The following SLCO2B1 variants were observed in gnomAD, a reference collection of about 807,000 sequenced individuals.
The protein encoded by SLCO2B1 is solute carrier organic anion transporter family member 2B1, also known as OATP-RP2.
SLCO2B1 carries 41 observed loss-of-function variants against 67.3 expected under a neutral mutation model. That is an observed-to-expected ratio of 0.61 (90% CI 0.47 to 0.79). The LOEUF (loss-of-function observed/expected upper bound fraction) is 0.79. Ranked by LOEUF, SLCO2B1 falls within the 30% of genes least tolerant of loss-of-function variation. The probability of loss-of-function intolerance (pLI) is 0.00; values close to 1 mark genes in which losing one functional copy is unlikely to be tolerated. For synonymous variants in SLCO2B1, 379 were observed against 381.4 expected, an observed-to-expected ratio of 0.99 and a Z score of 0.07; for missense variants, 837 against 920.1, an observed-to-expected ratio of 0.91 and a Z score of 1.17.
rs776833873 is a variant in SLCO2B1 at position 75,169,732 on chromosome 11, G to A, written c.749G>A (p.Arg250His). ...TTTGGGCTGGGCAGCCTCATGCTGCGCCTTTATGTGGACATTAACCAGATG... is the reference window on the plus strand; with the variant it reads ...TTTGGGCTGGGCAGCCTCATGCTGCACCTTTATGTGGACATTAACCAGATG... ...LAFGLGSLMLRLYVDINQMPE... is the reference protein window; with the variant it reads ...LAFGLGSLMLHLYVDINQMPE... The change falls in exon 6 of 14, where the codon CGC becomes CAC. Residue 250 changes from arginine (R) to histidine (H), a missense_variant. Transcript: ENST00000289575. 111 of 1,614,106 alleles carry A rather than the reference G, an allele frequency of 6.9e-5. No individual in the cohort carries two copies. Among genetic ancestry groups the A allele is most frequent in the South Asian group, 2.1e-4 (19 of 91,088 alleles).
Position 75,193,242 on chromosome 11 carries a change from C to T in SLCO2B1, c.1100C>T (p.Thr367Ile), listed in dbSNP as rs756056146. ...GTCTTCCCCAGGGTGCTGCTGCAGA[C>T]CCTACGCCACCCCATCTTCCTGCTG... is the stretch of plus-strand genomic sequence containing the variant. ...IKVFPRVLLQTLRHPIFLLVV... is the reference protein window; with the variant it reads ...IKVFPRVLLQILRHPIFLLVV... Residue 367 changes from threonine (T) to isoleucine (I), a missense_variant, in exon 9 of 14, where the codon ACC (threonine) becomes ATC (isoleucine). By Grantham distance (89) the Thr-to-Ile change is moderately conservative. Transcript: ENST00000289575. This position sits in a 1 kb window ranked among gnomAD's most constrained non-coding sequence, Gnocchi z 4.2. 9 of 1,612,700 alleles carry T rather than the reference C, an allele frequency of 5.6e-6. No homozygotes were observed. In the South Asian group the frequency reaches 9.9e-5, roughly 18 times the overall value.
chr11:75,189,418 G>T (rs1056726237), intron 8 of SLCO2B1, among the ~76,000 whole-genome samples: 4 of 152,268 alleles, frequency 2.6e-5, no homozygotes, highest in African/African-American at 9.6e-5. Context: ...AGAATCAAAT[G>T]AGACGAAACA....
chr11:75,190,372 C>T (rs1164412181), intron 8 of SLCO2B1, among the ~76,000 whole-genome samples: 1 of 152,224 alleles, frequency 6.6e-6, no homozygotes, highest in Non-Finnish European at 1.5e-5. Context: ...GCCTTGACCA[C>T]CTGGTGTCAC....
chr11:75,184,384 C>A (rs773633502), intron 7 of SLCO2B1, among the ~76,000 whole-genome samples: 1 of 152,176 alleles, frequency 6.6e-6, no homozygotes, highest in Admixed American at 6.5e-5. Flanking sequence ...AATAGACATT[C>A]TTTATTTTAC....
intron 2 of SLCO2B1, 133 bp downstream of exon 2, chr11:75,162,918 T>C: frequency 9.0e-7 from 1 of 1,114,916 alleles, no homozygotes. Flanking sequence ...GCTGTGAGGA[T>C]CAAAGGGATG....
Position 75,193,114 on chromosome 11 carries a change from G to A in SLCO2B1, c.1076-104G>A. On this transcript the variant is annotated intron_variant, in intron 8 of 13. Transcript: ENST00000289575. The surrounding 1 kb of genome is among the most constrained non-coding windows in gnomAD (Gnocchi z 4.2). Reference sequence around the variant, plus strand: ...AATAGAATTAAGTGGAATGGGGCGGGTTAGAAGAAATGGAACTGCTTGAAC... The same window carrying A: ...AATAGAATTAAGTGGAATGGGGCGGATTAGAAGAAATGGAACTGCTTGAAC... 1 of 798,156 alleles carries A rather than the reference G, an allele frequency of 1.3e-6. No homozygotes were observed. Among genetic ancestry groups the A allele is most frequent in the Non-Finnish European group, 2.0e-6 (1 of 496,104 alleles). The allele number at this position is 798,156 out of a possible 1,614,324, so 49.4% of individuals were successfully genotyped here.
chr11:75,188,281 G>A (rs768384402), intron 8 of SLCO2B1, 43 bp downstream of exon 8: 4 of 1,308,978 alleles, frequency 3.1e-6, no homozygotes, highest in Non-Finnish European at 4.4e-6. Context: ...AGGGCCAGAG[G>A]GGTCTTCGAG....
chr11:75,199,798 G>A (rs984790454), intron 10 of SLCO2B1: 10 of 160,268 alleles, frequency 6.2e-5, no homozygotes, highest in African/African-American at 2.2e-4. Context: ...AGATCACTTC[G>A]CAGAGTCCTT....
chr11:75,203,032 T>G (rs1167884193), intron 12 of SLCO2B1, 67 bp downstream of exon 12: 1 of 1,407,210 alleles, frequency 7.1e-7, no homozygotes, highest in South Asian at 1.1e-5. Context: ...GTGCCAGGCC[T>G]GGGGCACAGG....
intron 7 of SLCO2B1, among the ~76,000 whole-genome samples, chr11:75,179,821 C>CTGTCTCTCGGGCT (rs1465936318): frequency 2.0e-5 from 3 of 151,754 alleles, no homozygotes; most frequent in African/African-American, 4.8e-5. Flanking sequence ...ACTGCAACCT[C>CTGTCTCTCGGGCT]CACCTCCCGA....
In SLCO2B1 at chr11:75,193,592, G is replaced by A; in HGVS notation, c.1433+17G>A. On this transcript the variant is annotated intron_variant, in intron 9 of 13. Coordinates refer to ENST00000289575, the MANE Select transcript of SLCO2B1 (RefSeq NM_007256.5). The surrounding 1 kb of genome is among the most constrained non-coding windows in gnomAD (Gnocchi z 4.2). ...CCAGACCAGGTGAGTGTGTGCGTGG[G>A]CACGTAAAGGCAAGCCTGGGAGGAC... The A allele has an allele frequency of 6.6e-7, 1 of 1,518,216 alleles. No individual in the cohort carries two copies. The highest frequency in any genetic ancestry group is 2.0e-5 in the Admixed American group (1 of 49,030). The allele number at this position is 1,518,216 out of a possible 1,614,324, so 94.0% of individuals were successfully genotyped here.
At chr11:75,164,557 A>C (rs965884419) in intron 3 of SLCO2B1, among the ~76,000 whole-genome samples, 2 of 152,072 alleles carry the variant, frequency 1.3e-5, no homozygotes, top group Non-Finnish European at 2.9e-5. Flanking sequence ...GGGGATTCAC[A>C]GGCCTGTGGG....
intron 1 of SLCO2B1, among the ~76,000 whole-genome samples, chr11:75,159,522 C>T (rs1035528184): frequency 6.6e-6 from 1 of 152,190 alleles, no homozygotes. Context: ...CAGGAGGACA[C>T]GCAGTCCTGG....
chr11:75,162,700 C>T lies in SLCO2B1; in HGVS notation c.62C>T (p.Ala21Val), dbSNP rs760767910. The T allele has an allele frequency of 6.2e-7, 1 of 1,613,768 alleles. No individual in the cohort carries two copies. The highest frequency in any genetic ancestry group is 8.5e-7 in the Non-Finnish European group (1 of 1,179,920). Residue 21 changes from alanine (A) to valine (V), a missense_variant, in exon 2 of 14, where the codon GCC (alanine) becomes GTC (valine). Physicochemically the swap from Ala to Val is moderately conservative, Grantham distance 64. Coordinates refer to ENST00000289575, the MANE Select transcript of SLCO2B1 (RefSeq NM_007256.5). ...VPQVPDKETK[A>V]TMGTENTPGG... is the part of the protein sequence containing the mutation. ...CAGGTACCAGACAAGGAAACCAAAG[C>T]CACAATGGGCACAGAAAACACACCT...
At chr11:75,201,044 T>TTTTTTA (rs1945173683) in intron 11 of SLCO2B1, 2 of 148,680 alleles carry the variant, frequency 1.3e-5, no homozygotes, top group African/African-American at 5.0e-5. Context: ...TTTTTTTTTT[T>TTTTTTA]GAGATGCAGT....
chr11:75,196,310 T>C (rs1945095648), intron 9 of SLCO2B1: 1 of 573,276 alleles, frequency 1.7e-6, no homozygotes, highest in Non-Finnish European at 3.1e-6. Context: ...CTTGTAGGAT[T>C]GAGGGGGCCT....
intron 2 of SLCO2B1, 31 bp downstream of exon 2, chr11:75,162,816 A>G: frequency 6.2e-7 from 1 of 1,601,532 alleles, no homozygotes; most frequent in Non-Finnish European, 8.5e-7. Context: ...GGGGCCTCCG[A>G]GTCTAGAAGA....
At chr11:75,163,196 C>T (rs898753132) in intron 2 of SLCO2B1, among the ~76,000 whole-genome samples, 9 of 152,164 alleles carry the variant, frequency 5.9e-5, no homozygotes, top group African/African-American at 1.7e-4. Context: ...GCCACTCACA[C>T]GTGATCTTAT....
At chr11:75,188,105 C>A (rs376705207) in intron 7 of SLCO2B1, 31 bp from the exon 8 acceptor site, 6 of 1,528,406 alleles carry the variant, frequency 3.9e-6, no homozygotes, top group East Asian at 4.5e-5. Flanking sequence ...TGGCATCCAG[C>A]GGACTGTCCT....
Sources: allele counts gnomAD v4.1 joint callset (sites outside exome capture counted in the v4.1 genomes callset), GRCh38; gene constraint gnomAD v4.1.1; non-coding constraint Gnocchi (gnomAD v3.1); transcripts MANE v1.5; gene names NCBI Gene and HGNC (gene_info 2026-07-23, HGNC 2026-07-21).